VIT: variants seen among roughly 807,000 people sequenced by gnomAD.
VIT encodes vitrin.
VIT carries 99 observed loss-of-function variants against 78.0 expected under a neutral mutation model. The observed-to-expected ratio is 1.27, with a 90% confidence interval of 1.08 to 1.50. The LOEUF (loss-of-function observed/expected upper bound fraction) is 1.50, where lower values mean the gene tolerates loss of function less well. Ranked by LOEUF, VIT falls within the 40% of genes most tolerant of loss-of-function variation. The pLI is 0.00. For missense variants in VIT, 1,126 were observed against 875.3 expected, an observed-to-expected ratio of 1.29 and a Z score of -3.61; for synonymous variants, 374 against 334.3, an observed-to-expected ratio of 1.12 and a Z score of -1.29.
At chr2:36,775,096 C>T in intron 9 of VIT, 29 bp downstream of exon 9, 1 of 1,612,208 alleles carries the variant, frequency 6.2e-7, no homozygotes, top group Non-Finnish European at 8.5e-7. Context: ...ACCATCTCTG[C>T]TCCCTAGGAA....
intron 12 of VIT, among the ~76,000 whole-genome samples, chr2:36,788,374 A>G (rs1665254903): frequency 6.6e-6 from 1 of 152,254 alleles, no homozygotes; most frequent in Admixed American, 6.5e-5. Flanking sequence ...AGAAATAAAT[A>G]AAATGCTTTA....
At chr2:36,745,884 G>A (rs551289314) in intron 4 of VIT, among the ~76,000 whole-genome samples, 1 of 152,146 alleles carries the variant, frequency 6.6e-6, no homozygotes, top group South Asian at 2.1e-4. Flanking sequence ...TCTTGTTCCA[G>A]TTCTCAAGGG....
At position 36,814,174 on chromosome 2, in the gene VIT, T is replaced by A; in HGVS notation, c.1904-9T>A. On this transcript the variant is annotated splice_polypyrimidine_tract_variant and intron_variant, in intron 15 of 15. Coordinates refer to ENST00000379242, the MANE Select transcript of VIT (RefSeq NM_053276.4). ...GGGACATTTGTTCATCTAACCTTTG[T>A]CCCCACAGGAGTGATCACCTATGCG... 6.2e-7 allele frequency: 1 copy of A among 1,610,958 alleles called. No individual in the cohort carries two copies. The highest frequency in any genetic ancestry group is 1.1e-5 in the South Asian group (1 of 90,364).
intron 12 of VIT, 55 bp from the exon 13 acceptor site, chr2:36,801,246 C>T (rs959353293): frequency 6.9e-7 from 1 of 1,452,902 alleles, no homozygotes; most frequent in African/African-American, 1.4e-5. Context: ...TCTCTGCCTT[C>T]CTCCAAAGGT....
At chr2:36,744,797 C>T (rs1668037843) in intron 4 of VIT, among the ~76,000 whole-genome samples, 1 of 152,062 alleles carries the variant, frequency 6.6e-6, no homozygotes, top group African/African-American at 2.4e-5. Flanking sequence ...GGTTCTTTTG[C>T]TGTGCAGAGC....
At chr2:36,771,476 A>T (rs1669751892) in intron 7 of VIT, among the ~76,000 whole-genome samples, 2 of 149,866 alleles carry the variant, frequency 1.3e-5, no homozygotes, top group Non-Finnish European at 3.0e-5. Context: ...CAGTGAGCCG[A>T]GGTCGTGCCA....
chr2:36,718,885 A>T (rs574734280), intron 2 of VIT, among the ~76,000 whole-genome samples: 15 of 152,342 alleles, frequency 9.8e-5, no homozygotes, highest in African/African-American at 3.6e-4. Flanking sequence ...AAGGTCCTTC[A>T]TTTCTACCTT....
intron 4 of VIT, among the ~76,000 whole-genome samples, chr2:36,753,690 A>G (rs1401881562): frequency 6.6e-6 from 1 of 152,186 alleles, no homozygotes; most frequent in Non-Finnish European, 1.5e-5. Context: ...GGGGTGAAAC[A>G]GCAGCATCGT....
chr2:36,779,490 G>T (rs980565339), intron 9 of VIT, among the ~76,000 whole-genome samples: 9 of 152,148 alleles, frequency 5.9e-5, no homozygotes, highest in Non-Finnish European at 1.0e-4. Context: ...AAGCTCAGGG[G>T]TACATGTGCC....
chr2:36,758,945 G>GTTTTTT, intron 5 of VIT, 24 bp from the exon 6 acceptor site: 1 of 1,393,234 alleles, frequency 7.2e-7, no homozygotes. Flanking sequence ...AATAAATCTC[G>GTTTTTT]TTTTTTTTTT....
At position 36,787,036 on chromosome 2, in the gene VIT, A is replaced by C; in HGVS notation, c.911-93A>C. The C allele has an allele frequency of 4.0e-6, 6 of 1,483,286 alleles. No individual in the cohort carries two copies. In the South Asian group the frequency reaches 7.4e-5, roughly 18 times the overall value. 91.9% of individuals were successfully genotyped at this position (1,483,286 alleles called of 1,614,324 possible). ...CTTTTTCCCTTTCTTTTCATTTCTCAGGGGGCTCTGATGGAGAAAGAGGAA... is the reference window on the plus strand; with the variant it reads ...CTTTTTCCCTTTCTTTTCATTTCTCCGGGGGCTCTGATGGAGAAAGAGGAA... On this transcript the variant is annotated intron_variant, in intron 11 of 15. Coordinates refer to ENST00000379242, the MANE Select transcript of VIT (RefSeq NM_053276.4).
chr2:36,809,265 C>G (rs1472767085), intron 15 of VIT, among the ~76,000 whole-genome samples: 1 of 152,108 alleles, frequency 6.6e-6, no homozygotes, highest in Non-Finnish European at 1.5e-5. Flanking sequence ...TTACATCCTG[C>G]ACCCTGAGGC....
rs1212320686 is a variant in VIT, at chr2:36,805,436, A to C, written c.1163-2A>C. The C allele has an allele frequency of 6.3e-7, 1 of 1,595,766 alleles. No individual in the cohort carries two copies. The highest frequency in any genetic ancestry group is 8.5e-7 in the Non-Finnish European group (1 of 1,172,434). On this transcript the variant is annotated splice_acceptor_variant, in intron 13 of 15. Transcript: ENST00000379242. LOFTEE classifies it high-confidence loss of function. ...CAAGCATGAATTTTCTTTTTCTTCC[A>C]GGTCGGGCCATCTCCTTTGTGACCA...
intron 9 of VIT, among the ~76,000 whole-genome samples, chr2:36,776,885 C>A (rs142183156): frequency 1.3e-5 from 2 of 151,272 alleles, no homozygotes; most frequent in South Asian, 2.1e-4. Context: ...GTCAGGAGAT[C>A]GAGACCATCC....
chr2:36,709,747 A>G (rs1665685860), intron 1 of VIT, among the ~76,000 whole-genome samples: 1 of 152,196 alleles, frequency 6.6e-6, no homozygotes, highest in Non-Finnish European at 1.5e-5. Context: ...GAGTGTGGAG[A>G]AAAGACCAAA....
Position 36,774,625 on chromosome 2 carries a change from A to G in VIT, c.737-377A>G, listed in dbSNP as rs142526226. ...GCTACTGGATAGGAACAGGGGCCCA[A>G]TGGGCTCCTCTGGTCAGGGCGAGCA... is the stretch of plus-strand genomic sequence containing the variant. On this transcript the variant is annotated intron_variant, in intron 8 of 15. Coordinates refer to ENST00000379242, the MANE Select transcript of VIT (RefSeq NM_053276.4). 678 of 985,392 alleles carry G rather than the reference A, an allele frequency of 6.9e-4. 1 individual carries two copies. The African/African-American group carries it at 0.01, about 15-fold the overall frequency. 61.0% of individuals were successfully genotyped at this position (985,392 alleles called of 1,614,324 possible).
intron 5 of VIT, among the ~76,000 whole-genome samples, chr2:36,758,553 C>T (rs1441050043): frequency 6.6e-6 from 1 of 152,200 alleles, no homozygotes. Flanking sequence ...TCAAATGAAT[C>T]CCACACGGTC....
intron 6 of VIT, 72 bp downstream of exon 6, chr2:36,759,118 G>C: frequency 1.2e-6 from 2 of 1,614,044 alleles, no homozygotes; most frequent in Non-Finnish European, 1.7e-6. Context: ...GGGAGATAGC[G>C]GAGAAATTAA....
chr2:36,813,265 C>A (rs1457972652), intron 15 of VIT, among the ~76,000 whole-genome samples: 10 of 151,888 alleles, frequency 6.6e-5, no homozygotes, highest in Admixed American at 6.5e-4. Context: ...GCCTGGCAAA[C>A]ATGGTGAAAC....
Sources: allele counts gnomAD v4.1 joint callset (sites outside exome capture counted in the v4.1 genomes callset), GRCh38; gene constraint gnomAD v4.1.1; transcripts MANE v1.5; gene names NCBI Gene and HGNC (gene_info 2026-07-23, HGNC 2026-07-21).